Variants in LPP observed in about 807,000 individuals in gnomAD.
LPP encodes the protein lipoma-preferred partner.
LPP carries 38 observed loss-of-function variants against 60.4 expected under a neutral mutation model. The ratio of observed to expected loss-of-function variants is 0.63; its 90% CI spans 0.49 to 0.83. The LOEUF (loss-of-function observed/expected upper bound fraction) is 0.83. Ranked by LOEUF, LPP falls within the 40% of genes least tolerant of loss-of-function variation. The pLI is 0.00. For synonymous variants in LPP, 328 were observed against 290.8 expected (o/e 1.13, Z -1.30); for missense variants, 902 against 783.6 (o/e 1.15, Z -1.80).
rs1352845134 is a variant in LPP, at chr3:188,352,052, C to G, written c.-10+10333C>G. On this transcript the variant is annotated intron_variant, in intron 3 of 11. Coordinates refer to ENST00000617246, the MANE Select transcript of LPP (RefSeq NM_001375462.1). The surrounding 1 kb of genome is among the most constrained non-coding windows in gnomAD (Gnocchi z 4.4). ...CCTCAACGTGTATTATTTCCTCCCC[C>G]CTTGTCATTTTTCTTCTATTACTTT... Among the ~76,000 whole-genome samples the G allele has an allele frequency of 1.3e-5, 2 of 152,160 alleles. No individual in the cohort carries two copies. Among genetic ancestry groups the G allele is most frequent in the Non-Finnish European group, 2.9e-5 (2 of 68,028 alleles).
intron 9 of LPP, among the ~76,000 whole-genome samples, chr3:188,769,503 C>T (rs17616143): frequency 0.058 from 8,831 of 152,268 alleles, 276 homozygotes; most frequent in Non-Finnish European, 0.067. Flanking sequence ...GAACATAACC[C>T]TTTCTTCCCA....
chr3:188,609,595 G>T lies in LPP; in HGVS notation c.864G>T (p.Gly288=), dbSNP rs1344327110. 1 of 1,614,170 alleles carries T rather than the reference G, an allele frequency of 6.2e-7. No homozygotes were observed. Among genetic ancestry groups the T allele is most frequent in the Non-Finnish European group, 8.5e-7 (1 of 1,180,036 alleles). The change falls in exon 7 of 12, where the codon GGG becomes GGT. Residue 288 remains glycine, a synonymous_variant. Transcript: ENST00000617246. The surrounding 1 kb of genome is among the most constrained non-coding windows in gnomAD (Gnocchi z 6.9). The stretch of plus-strand genomic sequence containing the variant: ...GACTTCAGCCGGAGCCTGGGTATGG[G>T]TATGCCCCCAACCAGGGACGCTATT... ...PPGLQPEPGY[G]YAPNQGRYYE... is the part of the protein sequence containing the mutation.
At chr3:188,245,668 A>G (rs777819954) in intron 2 of LPP, among the ~76,000 whole-genome samples, 21 of 147,488 alleles carry the variant, frequency 1.4e-4, no homozygotes, top group Non-Finnish European at 2.1e-4. Context: ...TTTTTTTTTT[A>G]AGATCAAAAT....
chr3:188,405,984 T>C, intron 3 of LPP, 128 bp from the exon 4 acceptor site: 1 of 705,482 alleles, frequency 1.4e-6, no homozygotes. Flanking sequence ...CCATTTTCTT[T>C]CACCCTTCTT....
rs376074949 is a variant in LPP, at chr3:188,872,386, G to A, written c.1590-257G>A. Among the ~76,000 whole-genome samples the A allele has an allele frequency of 3.3e-5, 5 of 152,228 alleles. No homozygotes were observed. In the South Asian group the frequency reaches 8.3e-4, roughly 25 times the overall value. ...TATCTAAAGATGAATTTCATACCGC[G>A]CACCATGCAGGAAAGAGATGCTAGA... On this transcript the variant is annotated intron_variant, in intron 10 of 11. Transcript: ENST00000617246.
intron 7 of LPP, among the ~76,000 whole-genome samples, chr3:188,656,512 C>A (rs968179906): frequency 5.3e-5 from 8 of 152,182 alleles, no homozygotes; most frequent in African/African-American, 7.2e-5. Context: ...TTGGAAAAAA[C>A]CAGCAACAAC....
At chr3:188,690,923 T>C (rs1043791933) in intron 7 of LPP, among the ~76,000 whole-genome samples, 1 of 152,192 alleles carries the variant, frequency 6.6e-6, no homozygotes, top group African/African-American at 2.4e-5. Context: ...TAGGTAATTA[T>C]GGGTTATCTC....
intron 2 of LPP, among the ~76,000 whole-genome samples, chr3:188,261,060 G>T (rs574496427): frequency 3.9e-5 from 6 of 152,182 alleles, no homozygotes; most frequent in African/African-American, 1.2e-4. Flanking sequence ...GCCACAGAGC[G>T]AGACTCCATG....
chr3:188,232,504 A>ATTTTTTT (rs71634069), intron 2 of LPP, among the ~76,000 whole-genome samples: 20 of 103,232 alleles, frequency 1.9e-4, no homozygotes, highest in Non-Finnish European at 3.0e-4. Flanking sequence ...ACACCCGGCT[A>ATTTTTTT]TTTTTTTTTT....
At position 188,708,425 on chromosome 3, in the gene LPP, A is replaced by G. The variant is rs774366747; in HGVS notation, c.1240+32A>G. 14 of 1,614,024 alleles carry G rather than the reference A, an allele frequency of 8.7e-6. No homozygotes were observed. The African/African-American group carries it at 1.3e-4, about 15-fold the overall frequency. ...GGGGCCTAGAGCTGACTTCTGAAGTAACTATCTTGCTCTGATTTCCTTCCT... is the reference window on the plus strand; with the variant it reads ...GGGGCCTAGAGCTGACTTCTGAAGTGACTATCTTGCTCTGATTTCCTTCCT... On this transcript the variant is annotated intron_variant, in intron 8 of 11. Coordinates refer to ENST00000617246, the MANE Select transcript of LPP (RefSeq NM_001375462.1).
chr3:188,766,330 A>G (rs1034581300), intron 9 of LPP, among the ~76,000 whole-genome samples: 3 of 133,622 alleles, frequency 2.2e-5, no homozygotes, highest in Admixed American at 1.5e-4. Context: ...CTACTGATGA[A>G]AAACCATAAG....
chr3:188,582,555 C>T (rs1836499409), intron 6 of LPP, among the ~76,000 whole-genome samples: 1 of 152,000 alleles, frequency 6.6e-6, no homozygotes, highest in African/African-American at 2.4e-5. Context: ...TCACTTCCCA[C>T]ATTTGGTTAA....
Position 188,564,414 on chromosome 3 carries a change from CAG to C in LPP, c.429+39633_429+39634del, listed in dbSNP as rs760774961. Among the ~76,000 whole-genome samples, 13 of 152,080 alleles carry C rather than the reference CAG, an allele frequency of 8.5e-5. No homozygotes were observed. The East Asian group carries it at 1.4e-3, about 16-fold the overall frequency. The stretch of plus-strand genomic sequence containing the variant: ...ATAATGTGTTGTTGTGCTTTATAAG[CAG>C]AGAGACACAAAATAAACTCTCTCCC... On this transcript the variant is annotated intron_variant, in intron 6 of 11. Transcript: ENST00000617246.
At chr3:188,569,292 T>TG (rs1253073144) in intron 6 of LPP, among the ~76,000 whole-genome samples, 2 of 151,886 alleles carry the variant, frequency 1.3e-5, no homozygotes, top group Non-Finnish European at 2.9e-5. Flanking sequence ...GACAGGAGTC[T>TG]GGGGGGAAGA....
chr3:188,473,864 G>A (rs1442012555), intron 4 of LPP, among the ~76,000 whole-genome samples: 1 of 152,166 alleles, frequency 6.6e-6, no homozygotes, highest in Non-Finnish European at 1.5e-5. Context: ...ATTTCTGAAG[G>A]CTAGGGTGCC....
At chr3:188,756,682 T>G (rs2150410491) in intron 8 of LPP, among the ~76,000 whole-genome samples, 1 of 152,334 alleles carries the variant, frequency 6.6e-6, no homozygotes, top group African/African-American at 2.4e-5. Flanking sequence ...TGTGTGGGGC[T>G]ATTTTTATGT....
At chr3:188,280,923 C>T (rs918026118) in intron 2 of LPP, among the ~76,000 whole-genome samples, 10 of 138,826 alleles carry the variant, frequency 7.2e-5, no homozygotes, top group South Asian at 2.3e-4. Flanking sequence ...AATGATAGGA[C>T]GACAAAGGAA....
chr3:188,204,657 A>G lies in LPP; in HGVS notation c.-189-20748A>G, dbSNP rs577659821. Among the ~76,000 whole-genome samples the G allele has an allele frequency of 2.0e-5, 3 of 152,304 alleles. No homozygotes were observed. In the East Asian group the frequency reaches 5.8e-4, roughly 29 times the overall value. ...TTGTTTTCGTTCCTGTTTTACAGAC[A>G]AGGAAATTGAGGCTCAGAGAGCAGA... On this transcript the variant is annotated intron_variant, in intron 1 of 11. Coordinates refer to ENST00000617246, the MANE Select transcript of LPP (RefSeq NM_001375462.1).
intron 9 of LPP, among the ~76,000 whole-genome samples, chr3:188,800,182 T>C (rs1423345744): frequency 2.6e-5 from 4 of 151,310 alleles, no homozygotes; most frequent in Non-Finnish European, 5.9e-5. Context: ...TTTCTTTTTT[T>C]TTTTTTTTTG....
Sources: allele counts gnomAD v4.1 joint callset (sites outside exome capture counted in the v4.1 genomes callset), GRCh38; gene constraint gnomAD v4.1.1; non-coding constraint Gnocchi (gnomAD v3.1); transcripts MANE v1.5; gene names NCBI Gene and HGNC (gene_info 2026-07-23, HGNC 2026-07-21).